Variants in CD1B observed in about 807,000 individuals in gnomAD.
CD1B encodes CD1b molecule.
CD1B carries 43 observed loss-of-function variants against 39.8 expected under a neutral mutation model. The observed-to-expected ratio is 1.08, with a 90% CI of 0.85 to 1.39. The LOEUF is 1.39. CD1B is among the 40% of genes most tolerant of loss of function. The probability of loss-of-function intolerance (pLI) is 0.00; values close to 1 mark genes in which losing one functional copy is unlikely to be tolerated. For synonymous variants in CD1B, 192 were observed against 152.5 expected (o/e 1.26, Z -1.91); for missense variants, 495 against 403.8 (o/e 1.23, Z -1.94).
At chr1:158,320,466 C>T in the CD1B span, among the ~76,000 whole-genome samples, 1 of 152,286 alleles carries the variant, frequency 6.6e-6, no homozygotes, top group South Asian at 2.1e-4. Context: ...AAAGGGAACT[C>T]CCTGACCCCT....
chr1:158,324,735 C>T, downstream of CD1B, among the ~76,000 whole-genome samples: 1 of 152,044 alleles, frequency 6.6e-6, no homozygotes, highest in East Asian at 1.9e-4. Flanking sequence ...CACATTTTTT[C>T]CAACTAACAA....
chr1:158,306,156 C>T, the CD1B span, among the ~76,000 whole-genome samples: 2 of 152,122 alleles, frequency 1.3e-5, no homozygotes, highest in African/African-American at 4.8e-5. Flanking sequence ...AGAGTCAAGA[C>T]CCATCAGTGT....
At chr1:158,290,187 C>T in the CD1B span, 1 of 1,438,876 alleles carries the variant, frequency 6.9e-7, no homozygotes, top group Non-Finnish European at 9.8e-7. Context: ...CTGGGCTTTC[C>T]CGAGATGGAT....
chr1:158,287,538 C>A, the CD1B span, among the ~76,000 whole-genome samples: 1 of 151,886 alleles, frequency 6.6e-6, no homozygotes. Flanking sequence ...CAGTCCATAA[C>A]AATGAGAAGG....
chr1:158,291,808 C>T, the CD1B span, among the ~76,000 whole-genome samples: 1 of 151,922 alleles, frequency 6.6e-6, no homozygotes, highest in Non-Finnish European at 1.5e-5. Flanking sequence ...AAAGGCTCCC[C>T]CTTCACCCTC....
the CD1B span, among the ~76,000 whole-genome samples, chr1:158,307,063 C>A: frequency 6.6e-6 from 1 of 152,024 alleles, no homozygotes; most frequent in African/African-American, 2.4e-5. Flanking sequence ...TAGCAGAAGG[C>A]AAGAAATAAC....
At chr1:158,292,163 C>T in the CD1B span, 1 of 1,614,180 alleles carries the variant, frequency 6.2e-7, no homozygotes, top group Admixed American at 1.7e-5. Context: ...AGGTAGCTTT[C>T]AACGGATTAG....
downstream of CD1B, among the ~76,000 whole-genome samples, chr1:158,324,492 G>A (rs1047671774): frequency 6.6e-6 from 1 of 152,192 alleles, no homozygotes; most frequent in Non-Finnish European, 1.5e-5. Flanking sequence ...AGTGGGATTA[G>A]ATGAATACAT....
the CD1B span, chr1:158,293,306 A>T: frequency 1.7e-5 from 28 of 1,610,902 alleles, no homozygotes; most frequent in Non-Finnish European, 2.1e-5. Flanking sequence ...AGCACTGGTG[A>T]GTTTTTTGTA....
chr1:158,318,839 G>C, the CD1B span, among the ~76,000 whole-genome samples: 1 of 152,152 alleles, frequency 6.6e-6, no homozygotes, highest in Non-Finnish European at 1.5e-5. Context: ...TCCTTCAGGA[G>C]CTCTTTTAGG....
chr1:158,300,693 G>A, the CD1B span, among the ~76,000 whole-genome samples: 1 of 151,464 alleles, frequency 6.6e-6, no homozygotes, highest in African/African-American at 2.4e-5. Context: ...ATTTAGGATA[G>A]TTAGCTCTTC....
chr1:158,290,638 T>A, the CD1B span, among the ~76,000 whole-genome samples: 1 of 152,174 alleles, frequency 6.6e-6, no homozygotes, highest in Admixed American at 6.5e-5. Flanking sequence ...TTGTCTTAGT[T>A]GCTGTCAGTG....
chr1:158,295,958 G>T, the CD1B span, among the ~76,000 whole-genome samples: 1 of 152,018 alleles, frequency 6.6e-6, no homozygotes, highest in Non-Finnish European at 1.5e-5. Context: ...CCTCACCACT[G>T]CTGCACTGTC....
At chr1:158,318,519 G>A in the CD1B span, among the ~76,000 whole-genome samples, 1 of 152,118 alleles carries the variant, frequency 6.6e-6, no homozygotes, top group East Asian at 1.9e-4. Context: ...TTGCTTGGTA[G>A]ATCTTCCTCC....
At chr1:158,317,657 T>C in the CD1B span, among the ~76,000 whole-genome samples, 2 of 152,202 alleles carry the variant, frequency 1.3e-5, no homozygotes, top group Non-Finnish European at 2.9e-5. Flanking sequence ...TGTGTCTCTA[T>C]TTCCTTCAGT....
At chr1:158,329,744 A>T in intron 3 of CD1B, 96 bp from the exon 4 acceptor site, 1 of 1,558,714 alleles carries the variant, frequency 6.4e-7, no homozygotes, top group South Asian at 1.2e-5. Context: ...GACCCCATTC[A>T]CTCCTTTGGG....
chr1:158,309,984 T>TAAAAAAAAAAAAAA, the CD1B span, among the ~76,000 whole-genome samples: 1 of 128,482 alleles, frequency 7.8e-6, no homozygotes, highest in African/African-American at 2.6e-5. Flanking sequence ...CGTATAATAA[T>TAAAAAAAAAAAAAA]AAAAAAAAAA....
At chr1:158,318,933 G>A in the CD1B span, among the ~76,000 whole-genome samples, 2 of 152,138 alleles carry the variant, frequency 1.3e-5, no homozygotes, top group Non-Finnish European at 2.9e-5. Flanking sequence ...AGCTTAGTTT[G>A]GCTGGATATT....
chr1:158,318,330 T>G, the CD1B span, among the ~76,000 whole-genome samples: 2 of 152,210 alleles, frequency 1.3e-5, no homozygotes, highest in African/African-American at 4.8e-5. Context: ...GGACTTGCTT[T>G]ATGGATCTGG....
Sources: gnomAD v4.1 joint callset for allele counts (sites outside exome capture counted in the v4.1 genomes callset) on GRCh38, gnomAD v4.1.1 for gene constraint, MANE v1.5 for transcripts, NCBI Gene and HGNC (gene_info 2026-07-23, HGNC 2026-07-21) for gene names.